GALNT16: variants seen among roughly 807,000 people sequenced by gnomAD.
The protein encoded by GALNT16 is UDP-GalNAc:polypeptide N-acetylgalactosaminyltransferase-like protein 1.
In GALNT16, 40 loss-of-function variants were observed where a neutral mutation model predicts 76.1. The ratio of observed to expected loss-of-function variants is 0.53; its 90% CI spans 0.41 to 0.68. The LOEUF is 0.68. Ranked by LOEUF, GALNT16 falls within the 30% of genes least tolerant of loss-of-function variation. The pLI is 0.00. For missense variants in GALNT16, 621 were observed against 731.9 expected, an observed-to-expected ratio of 0.85 and a Z score of 1.75; for synonymous variants, 276 against 285.2, an observed-to-expected ratio of 0.97 and a Z score of 0.32.
At chr14:69,292,954 G>T (rs1009298925) in intron 1 of GALNT16, among the ~76,000 whole-genome samples, 2 of 152,240 alleles carry the variant, frequency 1.3e-5, no homozygotes, top group Non-Finnish European at 2.9e-5. Flanking sequence ...AAATGCATCT[G>T]TGGTGACAAG....
At chr14:69,318,743 C>T (rs892731919) in intron 1 of GALNT16, among the ~76,000 whole-genome samples, 11 of 152,236 alleles carry the variant, frequency 7.2e-5, no homozygotes, top group African/African-American at 2.7e-4. Flanking sequence ...TTGGGAGCTT[C>T]AGCAAATCAT....
chr14:69,331,473 C>T lies in GALNT16; in HGVS notation c.700C>T (p.Arg234Cys), dbSNP rs543194043. The T allele has an allele frequency of 9.7e-5, 155 of 1,594,994 alleles. No individual in the cohort carries two copies. The highest frequency in any genetic ancestry group is 8.9e-4 in the South Asian group (81 of 90,680). ...CACATCTCTCTCCTAGGACCACACC[C>T]GCGTGGTGAGTCCCATCATTGATGT... ...MLQRVKEDHTRVVSPIIDVIS... is the reference protein window; with the variant it reads ...MLQRVKEDHTCVVSPIIDVIS... Residue 234 changes from arginine to cysteine, a missense_variant, in exon 7 of 15, where the codon CGC (arginine) becomes TGC (cysteine). Coordinates refer to ENST00000448469, the MANE Select transcript of GALNT16 (RefSeq NM_001168368.2).
chr14:69,260,832 G>A (rs2044258334), intron 1 of GALNT16, among the ~76,000 whole-genome samples: 1 of 152,028 alleles, frequency 6.6e-6, no homozygotes, highest in South Asian at 2.1e-4. Context: ...CGGGCCCAGC[G>A]CGCGGCGAGC....
At chr14:69,345,051 AG>A (rs1335457523) in intron 12 of GALNT16, among the ~76,000 whole-genome samples, 1 of 152,194 alleles carries the variant, frequency 6.6e-6, no homozygotes, top group African/African-American at 2.4e-5. Context: ...CCCCACTCAG[AG>A]GGGGCAGCTG....
At chr14:69,276,942 T>C (rs1283622407) in intron 1 of GALNT16, among the ~76,000 whole-genome samples, 2 of 152,124 alleles carry the variant, frequency 1.3e-5, no homozygotes, top group Non-Finnish European at 2.9e-5. Flanking sequence ...GTCACGCACG[T>C]GGCACTGTGG....
chr14:69,323,186 G>T (rs184107757), intron 2 of GALNT16, among the ~76,000 whole-genome samples: 1 of 152,290 alleles, frequency 6.6e-6, no homozygotes, highest in East Asian at 1.9e-4. Context: ...CGCTCCAGGG[G>T]AGCAAAGGGA....
the GALNT16 span, among the ~76,000 whole-genome samples, chr14:69,365,672 G>A: frequency 6.6e-6 from 1 of 152,138 alleles, no homozygotes; most frequent in Non-Finnish European, 1.5e-5. Flanking sequence ...GTCAATGGAT[G>A]CTGGGCTTAA....
chr14:69,350,295 C>T (rs1319047500), intron 14 of GALNT16: 1 of 152,228 alleles, frequency 6.6e-6, no homozygotes, highest in Non-Finnish European at 1.5e-5. Flanking sequence ...CGGACATGGT[C>T]CTTGACCCCC....
At chr14:69,279,357 C>T (rs1016487105) in intron 1 of GALNT16, among the ~76,000 whole-genome samples, 2 of 152,214 alleles carry the variant, frequency 1.3e-5, no homozygotes, top group Admixed American at 1.3e-4. Context: ...TTTACATTTG[C>T]ACCTGAGGTG....
At chr14:69,343,738 G>A (rs937759306) in intron 12 of GALNT16, among the ~76,000 whole-genome samples, 2 of 152,142 alleles carry the variant, frequency 1.3e-5, no homozygotes, top group African/African-American at 4.8e-5. Flanking sequence ...GGGAAGAGTG[G>A]GGGAGGCCTG....
chr14:69,334,666 G>C (rs72722184), intron 9 of GALNT16, among the ~76,000 whole-genome samples: 10,758 of 152,182 alleles, frequency 0.071, 466 homozygotes, highest in East Asian at 0.2. Flanking sequence ...TGGAGCTGTG[G>C]TCTTGGGGCA....
At chr14:69,273,292 A>T (rs1454647740) in intron 1 of GALNT16, among the ~76,000 whole-genome samples, 1 of 152,170 alleles carries the variant, frequency 6.6e-6, no homozygotes, top group Admixed American at 6.5e-5. Flanking sequence ...TGGAAGGTAG[A>T]GGGATTATTT....
At chr14:69,264,815 C>CTTTTTTTTTTTTTTTT (rs1436985515) in intron 1 of GALNT16, among the ~76,000 whole-genome samples, 2 of 44,950 alleles carry the variant, frequency 4.4e-5, no homozygotes, top group African/African-American at 2.2e-4. Context: ...TTTTCTTTTT[C>CTTTTTTTTTTTTTTTT]TTTCTTTTTT....
At chr14:69,266,098 C>T (rs75158323) in intron 1 of GALNT16, among the ~76,000 whole-genome samples, 120 of 152,336 alleles carry the variant, frequency 7.9e-4, no homozygotes, top group African/African-American at 2.7e-3. Flanking sequence ...CTCCAAAGCC[C>T]AGGCTCATGT....
chr14:69,312,084 T>C lies in GALNT16; in HGVS notation c.178-8627T>C, dbSNP rs564432881. On this transcript the variant is annotated intron_variant, in intron 1 of 14. Transcript: ENST00000448469. ...GTCTATCTATCTATCTATCTATCTATCTATCTATCTATCTATCTATATCTA... is the reference window on the plus strand; with the variant it reads ...GTCTATCTATCTATCTATCTATCTACCTATCTATCTATCTATCTATATCTA... Among the ~76,000 whole-genome samples the C allele has an allele frequency of 2.0e-5, 3 of 151,354 alleles. No homozygotes were observed. The South Asian group carries it at 6.3e-4, about 32-fold the overall frequency.
intron 1 of GALNT16, among the ~76,000 whole-genome samples, chr14:69,309,536 T>C (rs1360582455): frequency 6.6e-6 from 1 of 152,222 alleles, no homozygotes; most frequent in Non-Finnish European, 1.5e-5. Flanking sequence ...GGTCTTGAAC[T>C]CCTGGCCTCA....
At chr14:69,375,972 G>A in the GALNT16 span, among the ~76,000 whole-genome samples, 97 of 151,652 alleles carry the variant, frequency 6.4e-4, no homozygotes, top group African/African-American at 2.3e-3. Context: ...TCAGTCTACC[G>A]TCGACGTTAA....
intron 1 of GALNT16, among the ~76,000 whole-genome samples, chr14:69,263,794 T>A (rs1189074079): frequency 6.6e-6 from 1 of 152,224 alleles, no homozygotes; most frequent in Non-Finnish European, 1.5e-5. Context: ...ATGTGAAAAA[T>A]TTGGCTATGG....
At chr14:69,311,953 G>C (rs866081375) in intron 1 of GALNT16, among the ~76,000 whole-genome samples, 11 of 151,380 alleles carry the variant, frequency 7.3e-5, no homozygotes, top group South Asian at 4.2e-4. Flanking sequence ...CTATAATCCC[G>C]GCACTTTGGG....
Sources: gnomAD v4.1 joint callset for allele counts (sites outside exome capture counted in the v4.1 genomes callset) on GRCh38, gnomAD v4.1.1 for gene constraint, MANE v1.5 for transcripts, NCBI Gene and HGNC (gene_info 2026-07-23, HGNC 2026-07-21) for gene names.